Variants in RFXANK observed in about 807,000 individuals in gnomAD.
The protein encoded by RFXANK is regulatory factor X associated ankyrin containing protein.
RFXANK carries 19 observed loss-of-function variants against 34.5 expected under a neutral mutation model. The ratio of observed to expected loss-of-function variants is 0.55; its 90% confidence interval spans 0.38 to 0.81. The LOEUF is 0.81. Ranked by LOEUF, RFXANK falls within the 30% of genes least tolerant of loss-of-function variation. RFXANK has a pLI of 0.00. For missense variants in RFXANK, 295 were observed against 343.5 expected (o/e 0.86, Z 1.12); for synonymous variants, 154 against 149.8 (o/e 1.03, Z -0.20).
intron 3 of RFXANK, 99 bp from the exon 4 acceptor site, chr19:19,196,864 C>T (rs991575537): frequency 3.2e-5 from 37 of 1,149,460 alleles, no homozygotes; most frequent in Non-Finnish European, 4.4e-5. Context: ...GACTCCATCT[C>T]AAACAACAAC....
intron 9 of RFXANK, 151 bp from the exon 10 acceptor site, chr19:19,201,498 G>C (rs1221798451): frequency 6.3e-7 from 1 of 1,594,776 alleles, no homozygotes; most frequent in Non-Finnish European, 8.5e-7. Context: ...GGTTCCTGGG[G>C]TGAGTCCTCG....
At chr19:19,197,291 G>T in intron 5 of RFXANK, 40 bp downstream of exon 5, 1 of 1,601,118 alleles carries the variant, frequency 6.2e-7, no homozygotes, top group Non-Finnish European at 8.5e-7. Context: ...TCTGCACCTG[G>T]CTGGTGTGTG....
chr19:19,198,768 C>T (rs1456419165), intron 8 of RFXANK, 45 bp downstream of exon 8: 20 of 1,584,610 alleles, frequency 1.3e-5, no homozygotes, highest in African/African-American at 1.3e-5. Flanking sequence ...AGCACTCCAG[C>T]GGGCCCTGCG....
intron 3 of RFXANK, among the ~76,000 whole-genome samples, chr19:19,196,636 A>G (rs1479300061): frequency 6.6e-6 from 1 of 152,012 alleles, no homozygotes; most frequent in Non-Finnish European, 1.5e-5. Flanking sequence ...AGGCTGAGGC[A>G]GGTGGATGAT....
At chr19:19,195,786 C>T (rs2146476488) in intron 3 of RFXANK, among the ~76,000 whole-genome samples, 1 of 146,892 alleles carries the variant, frequency 6.8e-6, no homozygotes, top group East Asian at 2.0e-4. Context: ...TCTTGTTGCC[C>T]AGGCTGGAGT....
chr19:19,201,251 T>A (rs528564548), intron 9 of RFXANK, among the ~76,000 whole-genome samples: 7 of 152,222 alleles, frequency 4.6e-5, no homozygotes, highest in Admixed American at 1.3e-4. Context: ...AATTTTTAAA[T>A]TTTTTTGGTA....
At chr19:19,200,712 C>G (rs2060695274) in intron 9 of RFXANK, 1 of 153,864 alleles carries the variant, frequency 6.5e-6, no homozygotes, top group Non-Finnish European at 1.4e-5. Context: ...CAACCTCTGC[C>G]TCCCAGGCAA....
chr19:19,201,615 G>A, intron 9 of RFXANK, 34 bp from the exon 10 acceptor site: 1 of 1,613,754 alleles, frequency 6.2e-7, no homozygotes, highest in Non-Finnish European at 8.5e-7. Flanking sequence ...CCCGATTCAA[G>A]CTCACAGCCC....
At chr19:19,200,912 C>T (rs553072945) in intron 9 of RFXANK, 2 of 163,644 alleles carry the variant, frequency 1.2e-5, no homozygotes, top group Admixed American at 1.2e-4. Flanking sequence ...AATTCTCCTG[C>T]CTCAGCCTCC....
chr19:19,197,670 G>A (rs758469822), intron 6 of RFXANK, 49 bp downstream of exon 6: 3 of 1,544,966 alleles, frequency 1.9e-6, no homozygotes, highest in South Asian at 2.2e-5. Flanking sequence ...GGGGCCTTAG[G>A]GTGGGCTGGG....
intron 3 of RFXANK, among the ~76,000 whole-genome samples, chr19:19,196,613 C>T (rs2060603358): frequency 6.6e-6 from 1 of 151,922 alleles, no homozygotes; most frequent in Non-Finnish European, 1.5e-5. Flanking sequence ...GCCTATAATC[C>T]CAGCACTTTG....
intron 3 of RFXANK, among the ~76,000 whole-genome samples, chr19:19,195,301 C>T (rs2060580457): frequency 7.0e-6 from 1 of 142,772 alleles, no homozygotes; most frequent in South Asian, 2.4e-4. Flanking sequence ...TCTCCCCACT[C>T]TCGAGACGCC....
intron 3 of RFXANK, among the ~76,000 whole-genome samples, chr19:19,196,552 A>C: frequency 7.1e-6 from 1 of 140,162 alleles, no homozygotes; most frequent in African/African-American, 2.7e-5. Flanking sequence ...ACAGAGCAAG[A>C]CTCTGTCTCA....
intron 3 of RFXANK, 85 bp downstream of exon 3, chr19:19,194,218 C>T (rs2060555976): frequency 1.4e-6 from 2 of 1,445,924 alleles, no homozygotes; most frequent in South Asian, 1.1e-5. Flanking sequence ...GTCTTGCTTT[C>T]GTTTTTGTTT....
intron 2 of RFXANK, among the ~76,000 whole-genome samples, chr19:19,193,362 G>A (rs545920884): frequency 6.6e-6 from 1 of 151,602 alleles, no homozygotes; most frequent in South Asian, 2.1e-4. Context: ...ATAAATTGAG[G>A]GATTCGAACC....
At chr19:19,201,356 G>A in intron 9 of RFXANK, 1 of 979,208 alleles carries the variant, frequency 1.0e-6, no homozygotes, top group Non-Finnish European at 1.5e-6. Context: ...GGGATTATAG[G>A]TGTGAGCCAC....
Position 19,198,114 on chromosome 19 carries a change from A to AC in RFXANK, c.451dup (p.His151ProfsTer30). 1 of 1,613,414 alleles carries AC rather than the reference A, an allele frequency of 6.2e-7. No homozygotes were observed. The highest frequency in any genetic ancestry group is 8.5e-7 in the Non-Finnish European group (1 of 1,179,912). ...CCCTTCTTCTCCCTGCAGGGTGCCGACCCCCACATCCTGGCAAAAGAGCGA... is the reference window on the plus strand; with the variant it reads ...CCCTTCTTCTCCCTGCAGGGTGCCGACCCCCCACATCCTGGCAAAAGAGCGA... On this transcript the variant is annotated frameshift_variant, in exon 7 of 10. Coordinates refer to ENST00000303088, the MANE Select transcript of RFXANK (RefSeq NM_003721.4). LOFTEE classifies it high-confidence loss of function.
rs552527085 is a variant in RFXANK at position 19,198,637 on chromosome 19, C to T, written c.565-20C>T. The T allele has an allele frequency of 4.3e-6, 7 of 1,612,488 alleles. No individual in the cohort carries two copies. Among genetic ancestry groups the T allele is most frequent in the Admixed American group, 1.7e-5 (1 of 60,030 alleles). ...AGGAAGAGGTAAACCTTTGGTTTCTCCTGCCCCTACCCACGACAGAATGGA... is the reference window on the plus strand; with the variant it reads ...AGGAAGAGGTAAACCTTTGGTTTCTTCTGCCCCTACCCACGACAGAATGGA... On this transcript the variant is annotated intron_variant, in intron 7 of 9. Transcript: ENST00000303088.
intron 9 of RFXANK, among the ~76,000 whole-genome samples, chr19:19,199,716 C>T (rs761736931): frequency 7.2e-5 from 11 of 152,086 alleles, no homozygotes; most frequent in African/African-American, 2.4e-4. Context: ...AAGGGGTAGG[C>T]GACCAGGCCA....
Sources: gnomAD v4.1 joint callset for allele counts (sites outside exome capture counted in the v4.1 genomes callset) on GRCh38, gnomAD v4.1.1 for gene constraint, MANE v1.5 for transcripts, NCBI Gene and HGNC (gene_info 2026-07-23, HGNC 2026-07-21) for gene names.